KIAA1328: variants seen among roughly 807,000 people sequenced by gnomAD.
KIAA1328 encodes protein hinderin.
In KIAA1328, 52 loss-of-function variants were observed where a neutral mutation model predicts 68.1. The observed-to-expected ratio is 0.76, with a 90% CI of 0.61 to 0.96. The LOEUF (loss-of-function observed/expected upper bound fraction) is 0.96. Ranked by LOEUF, KIAA1328 falls within the 40% of genes least tolerant of loss-of-function variation. The probability of loss-of-function intolerance (pLI) is 0.00; values close to 1 mark genes in which losing one functional copy is unlikely to be tolerated. For synonymous variants in KIAA1328, 232 were observed against 239.4 expected (o/e 0.97, Z 0.28); for missense variants, 641 against 677.6 (o/e 0.95, Z 0.60).
intron 9 of KIAA1328, among the ~76,000 whole-genome samples, chr18:37,200,820 A>G (rs1156998394): frequency 6.7e-6 from 1 of 150,304 alleles, no homozygotes; most frequent in Non-Finnish European, 1.5e-5. Context: ...TCCGTCTCAA[A>G]AAAAAAAAAA....
chr18:36,953,419 T>G (rs374164063), intron 5 of KIAA1328, among the ~76,000 whole-genome samples: 2 of 138,096 alleles, frequency 1.4e-5, no homozygotes, highest in Non-Finnish European at 3.2e-5. Context: ...GATAGATAGA[T>G]AGAGATAGAT....
chr18:36,878,807 G>A (rs1227868585), intron 4 of KIAA1328, among the ~76,000 whole-genome samples: 1 of 151,986 alleles, frequency 6.6e-6, no homozygotes, highest in South Asian at 2.1e-4. Context: ...TGATCAACTC[G>A]GCTATTGATA....
intron 9 of KIAA1328, among the ~76,000 whole-genome samples, chr18:37,174,505 C>T (rs944058338): frequency 6.6e-6 from 1 of 151,152 alleles, no homozygotes; most frequent in Non-Finnish European, 1.5e-5. Context: ...GCCTCAGCCT[C>T]CCAAGTAGCT....
rs934746863 is a variant in KIAA1328, at chr18:37,065,050, A to G, written c.577-1840A>G. On this transcript the variant is annotated intron_variant, in intron 6 of 9. Transcript: ENST00000280020. The stretch of plus-strand genomic sequence containing the variant: ...AATATATTTGTTTACTGAAAAACTC[A>G]TATTTCTCTTGCAGCATTGAGCAAA... Among the ~76,000 whole-genome samples the G allele has an allele frequency of 1.1e-4, 16 of 152,364 alleles. No individual in the cohort carries two copies. The South Asian group carries it at 1.2e-3, about 12-fold the overall frequency.
chr18:37,122,906 T>C (rs2151938444), intron 7 of KIAA1328, among the ~76,000 whole-genome samples: 1 of 152,240 alleles, frequency 6.6e-6, no homozygotes, highest in East Asian at 1.9e-4. Context: ...ATTTTAAAAA[T>C]AATGAATTTG....
intron 9 of KIAA1328, among the ~76,000 whole-genome samples, chr18:37,187,482 G>T (rs1332933908): frequency 6.6e-6 from 1 of 152,194 alleles, no homozygotes; most frequent in Non-Finnish European, 1.5e-5. Flanking sequence ...ATTGTATACA[G>T]TTGCATGTCT....
chr18:37,148,356 T>C (rs961575658), intron 7 of KIAA1328, among the ~76,000 whole-genome samples: 7 of 152,226 alleles, frequency 4.6e-5, no homozygotes, highest in Non-Finnish European at 7.3e-5. Flanking sequence ...ATGTACCACA[T>C]TTTCTTTATC....
At chr18:36,895,432 ATTTGT>A (rs1301400969) in intron 5 of KIAA1328, among the ~76,000 whole-genome samples, 1 of 152,134 alleles carries the variant, frequency 6.6e-6, no homozygotes, top group African/African-American at 2.4e-5. Flanking sequence ...ATGTTTTGGG[ATTTGT>A]TTTAAGGCTG....
At chr18:36,836,507 G>A (rs2046678956) in intron 3 of KIAA1328, among the ~76,000 whole-genome samples, 1 of 151,988 alleles carries the variant, frequency 6.6e-6, no homozygotes, top group Non-Finnish European at 1.5e-5. Context: ...TTTCAACACT[G>A]TACTTTATTT....
intron 7 of KIAA1328, among the ~76,000 whole-genome samples, chr18:37,091,500 T>C (rs1352515623): frequency 1.3e-5 from 2 of 152,190 alleles, no homozygotes; most frequent in African/African-American, 4.8e-5. Flanking sequence ...CTTCAGTTCT[T>C]ATGGGCCTTA....
intron 9 of KIAA1328, among the ~76,000 whole-genome samples, chr18:37,210,579 A>C (rs2060297777): frequency 6.6e-6 from 1 of 152,090 alleles, no homozygotes. Context: ...GTGTCCCTTT[A>C]AATTATTTGA....
At position 36,841,928 on chromosome 18, in the gene KIAA1328, T is replaced by C. The variant is rs573347000; in HGVS notation, c.238-2280T>C. Among the ~76,000 whole-genome samples, 3 of 152,346 alleles carry C rather than the reference T, an allele frequency of 2.0e-5. No homozygotes were observed. The East Asian group carries it at 5.8e-4, about 29-fold the overall frequency. On this transcript the variant is annotated intron_variant, in intron 3 of 9. Transcript: ENST00000280020. ...TATTATGTTTATGAGATTTCTTGTT[T>C]TTTTTTCCCTCTATGGCTCTTCCAA... is the stretch of plus-strand genomic sequence containing the variant.
chr18:36,941,945 A>G (rs570802428), intron 5 of KIAA1328, among the ~76,000 whole-genome samples: 1 of 152,350 alleles, frequency 6.6e-6, no homozygotes, highest in Admixed American at 6.5e-5. Flanking sequence ...AACCTAATAA[A>G]AATGATAGAA....
downstream of KIAA1328, chr18:37,229,885 CAAAA>C (rs1222210750): frequency 6.0e-5 from 6 of 100,242 alleles, no homozygotes; most frequent in Non-Finnish European, 6.1e-5. Flanking sequence ...GACTCCATCT[CAAAA>C]AAAAAAAAAA....
intron 7 of KIAA1328, among the ~76,000 whole-genome samples, chr18:37,138,696 C>A (rs1342859194): frequency 6.6e-6 from 1 of 152,112 alleles, no homozygotes; most frequent in African/African-American, 2.4e-5. Flanking sequence ...ACTTTGCATA[C>A]TGCCATCGTA....
In KIAA1328 at chr18:37,078,722, T is replaced by C. The variant is rs1277812494; in HGVS notation, c.1232+11177T>C. On this transcript the variant is annotated intron_variant, in intron 7 of 9. Transcript: ENST00000280020. ...GACATTTATGCAGCCAAAAAACACA[T>C]GAAAAAATGCTCACCATCACTGGCC... 7.3e-5 allele frequency among the ~76,000 whole-genome samples: 11 copies of C among 150,336 alleles called. No individual in the cohort carries two copies. In the East Asian group the frequency reaches 2.2e-3, roughly 29 times the overall value.
At chr18:37,220,256 A>G (rs1272839393) in intron 9 of KIAA1328, among the ~76,000 whole-genome samples, 1 of 152,228 alleles carries the variant, frequency 6.6e-6, no homozygotes, top group Non-Finnish European at 1.5e-5. Flanking sequence ...ATGTTCTGTA[A>G]CATATAAAGA....
At chr18:37,142,957 T>C in intron 7 of KIAA1328, among the ~76,000 whole-genome samples, 1 of 150,760 alleles carries the variant, frequency 6.6e-6, no homozygotes, top group Non-Finnish European at 1.5e-5. Context: ...TTTTTTTTGT[T>C]TTTTTTTTGT....
chr18:36,837,976 C>T (rs1165605324), intron 3 of KIAA1328, among the ~76,000 whole-genome samples: 4 of 152,082 alleles, frequency 2.6e-5, no homozygotes, highest in African/African-American at 9.7e-5. Context: ...AGTATAAGTC[C>T]TCCAACTTCT....
Sources: allele counts gnomAD v4.1 joint callset (sites outside exome capture counted in the v4.1 genomes callset), GRCh38; gene constraint gnomAD v4.1.1; transcripts MANE v1.5; gene names NCBI Gene and HGNC (gene_info 2026-07-23, HGNC 2026-07-21).